Variants in STYK1 observed in about 807,000 individuals in gnomAD.
STYK1 encodes tyrosine-protein kinase STYK1.
Under a neutral mutation model 48.1 loss-of-function variants are expected in STYK1, and 46 were observed. The ratio of observed to expected loss-of-function variants is 0.96; its 90% CI spans 0.75 to 1.22. The LOEUF (loss-of-function observed/expected upper bound fraction) is 1.22, where lower values mean the gene tolerates loss of function less well. Ranked by LOEUF, STYK1 falls within the 50% of genes most tolerant of loss-of-function variation. STYK1 has a pLI of 0.00. For synonymous variants in STYK1, 188 were observed against 189.0 expected (o/e 0.99, Z 0.04); for missense variants, 527 against 521.1 (o/e 1.01, Z -0.11).
At chr12:10,670,834 A>G (rs1265328295) in intron 1 of STYK1, among the ~76,000 whole-genome samples, 1 of 149,580 alleles carries the variant, frequency 6.7e-6, no homozygotes, top group East Asian at 1.9e-4. Flanking sequence ...TATATGATAA[A>G]TATATATATA....
At chr12:10,634,206 C>G (rs924959185) in intron 3 of STYK1, 82 bp from the exon 4 acceptor site, 19 of 1,481,524 alleles carry the variant, frequency 1.3e-5, no homozygotes, top group Non-Finnish European at 1.3e-5. Flanking sequence ...CCCGCCAGCT[C>G]TCAGCTCATC....
At position 10,634,695 on chromosome 12, in the gene STYK1, T is replaced by C; in HGVS notation, c.-68-9A>G. On this transcript the variant is annotated splice_polypyrimidine_tract_variant and intron_variant, in intron 2 of 10. Transcript: ENST00000075503. ...ACAGCTGTGAGTAATTCCTAAGGATTGAGTGGTTTTTGAAAAAAATAAAAT... is the reference window on the plus strand; with the variant it reads ...ACAGCTGTGAGTAATTCCTAAGGATCGAGTGGTTTTTGAAAAAAATAAAAT... 1.3e-6 allele frequency: 2 copies of C among 1,532,454 alleles called. No individual in the cohort carries two copies. Among genetic ancestry groups the C allele is most frequent in the South Asian group, 2.4e-5 (2 of 84,226 alleles). 94.9% of individuals were successfully genotyped at this position (1,532,454 alleles called of 1,614,324 possible). A position where few individuals can be genotyped will look rare whatever the true frequency, so the allele number is the denominator to read the frequency against.
At chr12:10,621,994 GA>G in intron 9 of STYK1, 22 bp from the exon 10 acceptor site, 1 of 1,594,758 alleles carries the variant, frequency 6.3e-7, no homozygotes. Flanking sequence ...AAAATAATGA[GA>G]ACTTTAAGGT....
intron 1 of STYK1, among the ~76,000 whole-genome samples, chr12:10,650,037 C>T (rs1412758972): frequency 1.4e-5 from 2 of 146,130 alleles, no homozygotes; most frequent in East Asian, 4.0e-4. Context: ...TGGCATCAAC[C>T]CAAGGCGGAG....
chr12:10,655,322 G>A (rs10845191), intron 1 of STYK1, among the ~76,000 whole-genome samples: 42,795 of 152,026 alleles, frequency 0.28, 7,849 homozygotes, highest in East Asian at 0.7. Context: ...GCCATCCAGA[G>A]GACAGCAATT....
intron 1 of STYK1, among the ~76,000 whole-genome samples, chr12:10,662,217 A>T (rs576795840): frequency 1.4e-4 from 20 of 143,084 alleles, no homozygotes; most frequent in African/African-American, 5.1e-4. Flanking sequence ...TTGAGGCTAA[A>T]TAATATTGCA....
intron 8 of STYK1, among the ~76,000 whole-genome samples, chr12:10,623,401 T>C (rs547151417): frequency 6.6e-6 from 1 of 152,358 alleles, no homozygotes; most frequent in African/African-American, 2.4e-5. Context: ...GCTAGCAGGA[T>C]ATTCTACATT....
At chr12:10,655,420 T>C (rs7313620) in intron 1 of STYK1, among the ~76,000 whole-genome samples, 83,845 of 152,068 alleles carry the variant, frequency 0.55, 23,848 homozygotes, top group East Asian at 0.79. Flanking sequence ...CCAGGCTCTT[T>C]CTGAGAAGGC....
At chr12:10,620,398 G>C (rs1463247366) in intron 10 of STYK1, 50 bp from the exon 11 acceptor site, 2 of 1,561,272 alleles carry the variant, frequency 1.3e-6, no homozygotes, top group Admixed American at 3.4e-5. Context: ...CAAATGTATG[G>C]GGAGCATGTC....
rs1947799957 is a variant in STYK1, at chr12:10,663,524, G to A, written c.-195+10442C>T. Among the ~76,000 whole-genome samples, 3 of 148,594 alleles carry A rather than the reference G, an allele frequency of 2.0e-5. 1 individual carries two copies. In the South Asian group the frequency reaches 6.4e-4, roughly 32 times the overall value. On this transcript the variant is annotated intron_variant, in intron 1 of 10. Transcript: ENST00000075503. ...TGAGGAAGGAGAATGGCGTGAACCT[G>A]GGAGGCGGAGCTTGCAGTGAGCCGA...
At chr12:10,634,273 CT>C (rs1947461893) in intron 3 of STYK1, 149 bp from the exon 4 acceptor site, 3 of 973,198 alleles carry the variant, frequency 3.1e-6, no homozygotes, top group Non-Finnish European at 4.5e-6. Flanking sequence ...AACAGAAACA[CT>C]GCTGGGAGCA....
chr12:10,650,988 GA>G, intron 1 of STYK1, among the ~76,000 whole-genome samples: 1 of 141,444 alleles, frequency 7.1e-6, no homozygotes, highest in Admixed American at 7.3e-5. Context: ...CTGGGTGACA[GA>G]GCGAGACTCC....
chr12:10,669,577 TTTTTTTG>T (rs1437202168), intron 1 of STYK1, among the ~76,000 whole-genome samples: 1 of 152,074 alleles, frequency 6.6e-6, no homozygotes, highest in East Asian at 1.9e-4. Flanking sequence ...CTAGGCAATG[TTTTTTTG>T]GACATAAACC....
intron 4 of STYK1, 143 bp from the exon 5 acceptor site, chr12:10,631,451 A>G: frequency 2.0e-6 from 2 of 1,025,294 alleles, no homozygotes; most frequent in Non-Finnish European, 2.8e-6. Flanking sequence ...CTTCTCTATA[A>G]ACCAGCATCA....
chr12:10,660,654 A>C (rs1565573517), intron 1 of STYK1, among the ~76,000 whole-genome samples: 1 of 151,988 alleles, frequency 6.6e-6, no homozygotes, highest in Non-Finnish European at 1.5e-5. Context: ...TGTGGCAAAG[A>C]AGCAAGCCAA....
At position 10,624,696 on chromosome 12, in the gene STYK1, G is replaced by A. The variant is rs752534616; in HGVS notation, c.881C>T (p.Ala294Val). The stretch of plus-strand genomic sequence containing the variant: ...AGGTCTCAGGAGAAGCCGTTCTGGG[G>A]CAAGCCACTTGAGAGGTATGGTTTG... ...STQTIPLKWL[A>V]PERLLLRPAS... Residue 294 changes from alanine to valine, a missense_variant, in exon 8 of 11, where the codon GCC becomes GTC. Transcript: ENST00000075503. The A allele has an allele frequency of 2.5e-6, 4 of 1,614,154 alleles. No individual in the cohort carries two copies. The highest frequency in any genetic ancestry group is 2.2e-5 in the East Asian group (1 of 44,866).
chr12:10,633,083 A>C (rs968098491), intron 4 of STYK1, among the ~76,000 whole-genome samples: 2 of 152,216 alleles, frequency 1.3e-5, no homozygotes, highest in Non-Finnish European at 2.9e-5. Context: ...CATAAGACTA[A>C]AAATTATAGC....
chr12:10,626,378 A>G (rs1185635856), intron 7 of STYK1, among the ~76,000 whole-genome samples: 2 of 152,126 alleles, frequency 1.3e-5, no homozygotes, highest in African/African-American at 4.8e-5. Context: ...GGCCATTCAA[A>G]CACCATAGAC....
At chr12:10,655,072 G>C (rs1303511466) in intron 1 of STYK1, among the ~76,000 whole-genome samples, 1 of 152,084 alleles carries the variant, frequency 6.6e-6, no homozygotes, top group Admixed American at 6.5e-5. Context: ...TCACTCTCTT[G>C]CAACGTTTTA....
Sources: gnomAD v4.1 joint callset for allele counts (sites outside exome capture counted in the v4.1 genomes callset) on GRCh38, gnomAD v4.1.1 for gene constraint, MANE v1.5 for transcripts, NCBI Gene and HGNC (gene_info 2026-07-23, HGNC 2026-07-21) for gene names.